Variants in ZPBP observed in about 807,000 individuals in gnomAD.
ZPBP encodes the protein zona pellucida-binding protein 1.
ZPBP carries 26 observed loss-of-function variants against 44.8 expected under a neutral mutation model. The observed-to-expected ratio is 0.58, with a 90% CI of 0.43 to 0.81. ZPBP has a LOEUF of 0.81. Among genes scored for constraint, ZPBP ranks in the 30% least tolerant of loss-of-function variants. ZPBP has a pLI of 0.00. For missense variants in ZPBP, 409 were observed against 434.0 expected (o/e 0.94, Z 0.51); for synonymous variants, 174 against 153.2 (o/e 1.14, Z -1.00).
intron 6 of ZPBP, among the ~76,000 whole-genome samples, chr7:50,007,089 G>A (rs1584029958): frequency 6.6e-6 from 1 of 151,860 alleles, no homozygotes; most frequent in East Asian, 1.9e-4. Context: ...AACCAACCAA[G>A]AGAAGGCACT....
At chr7:49,865,528 T>G (rs1790847536) in intron 2 of ZPBP, among the ~76,000 whole-genome samples, 8 of 152,228 alleles carry the variant, frequency 5.3e-5, no homozygotes. Flanking sequence ...ATGTGGTTCC[T>G]CACCTTCCCA....
chr7:49,899,083 T>C (rs1433774903), intron 2 of ZPBP, among the ~76,000 whole-genome samples: 2 of 152,062 alleles, frequency 1.3e-5, no homozygotes, highest in Non-Finnish European at 2.9e-5. Context: ...CACACCACTA[T>C]TTGTTGTCTG....
intron 3 of ZPBP, among the ~76,000 whole-genome samples, chr7:50,063,901 T>G (rs1801374990): frequency 6.6e-6 from 1 of 152,244 alleles, no homozygotes; most frequent in Non-Finnish European, 1.5e-5. Context: ...AACCTTATGA[T>G]GCAGTTGAAC....
chr7:50,028,249 G>C (rs1799425139), intron 5 of ZPBP, among the ~76,000 whole-genome samples: 2 of 150,790 alleles, frequency 1.3e-5, no homozygotes, highest in Non-Finnish European at 1.5e-5. Flanking sequence ...AATCAAAATA[G>C]AGTACAATGC....
At chr7:50,040,412 C>T (rs2128817261) in intron 4 of ZPBP, among the ~76,000 whole-genome samples, 1 of 152,304 alleles carries the variant, frequency 6.6e-6, no homozygotes, top group South Asian at 2.1e-4. Context: ...CTGCAGTTCC[C>T]AGCGAGATCA....
intron 3 of ZPBP, among the ~76,000 whole-genome samples, chr7:50,070,903 G>T (rs1318530167): frequency 6.6e-6 from 1 of 152,112 alleles, no homozygotes; most frequent in Non-Finnish European, 1.5e-5. Context: ...GAAAAACAGG[G>T]TCTTCACAAT....
intron 6 of ZPBP, among the ~76,000 whole-genome samples, chr7:49,997,533 C>T (rs899213251): frequency 6.6e-6 from 1 of 152,218 alleles, no homozygotes; most frequent in Non-Finnish European, 1.5e-5. Flanking sequence ...TCTTCTAGGA[C>T]TTGAATCCAA....
At chr7:50,084,246 C>G (rs986170570) in intron 2 of ZPBP, among the ~76,000 whole-genome samples, 1 of 151,264 alleles carries the variant, frequency 6.6e-6, no homozygotes, top group Non-Finnish European at 1.5e-5. Flanking sequence ...CTGGTGCAGC[C>G]TTTTTGAAGA....
chr7:49,865,767 A>C (rs1790859088), intron 2 of ZPBP, among the ~76,000 whole-genome samples: 1 of 152,150 alleles, frequency 6.6e-6, no homozygotes. Flanking sequence ...CAGCCTCCTG[A>C]TCCACCCACC....
chr7:50,031,047 T>C, intron 5 of ZPBP, 45 bp downstream of exon 5: 1 of 1,541,554 alleles, frequency 6.5e-7, no homozygotes, highest in Non-Finnish European at 9.0e-7. Flanking sequence ...TAACTATTAG[T>C]TATGTGTTCT....
Position 49,980,049 on chromosome 7 carries a change from AT to A in ZPBP, c.961+3292del, listed in dbSNP as rs1796737548. Among the ~76,000 whole-genome samples, 6 of 86,166 alleles carry A rather than the reference AT, an allele frequency of 7.0e-5. No homozygotes were observed. In the South Asian group the frequency reaches 2.1e-3, roughly 30 times the overall value. 56.5% of individuals were successfully genotyped at this position (86,166 alleles called of 152,430 possible). ...TTTATATTATATTATAATATATATA[AT>A]ATAATTTTATATTATATTATAATAT... is the stretch of plus-strand genomic sequence containing the variant. On this transcript the variant is annotated intron_variant, in intron 7 of 7. Transcript: ENST00000046087.
At chr7:49,865,679 T>C (rs918184820) in intron 2 of ZPBP, among the ~76,000 whole-genome samples, 1 of 152,222 alleles carries the variant, frequency 6.6e-6, no homozygotes, top group African/African-American at 2.4e-5. Context: ...GCAAGTCACA[T>C]GTCAAGTGAA....
intron 6 of ZPBP, among the ~76,000 whole-genome samples, chr7:49,999,081 G>GA (rs1385098104): frequency 1.3e-5 from 2 of 151,776 alleles, no homozygotes; most frequent in Non-Finnish European, 2.9e-5. Flanking sequence ...TCCCAAACCT[G>GA]AAAAAATCCA....
Position 50,079,972 on chromosome 7 carries a change from C to T in ZPBP, c.334+1802G>A, listed in dbSNP as rs185260739. ...TTCAAGAAACAGAGAAAAAGAGAGA[C>T]ACCAAATATAAGACTTGCTCCCTAT... is the stretch of plus-strand genomic sequence containing the variant. On this transcript the variant is annotated intron_variant, in intron 3 of 7. Transcript: ENST00000046087. 2.6e-5 allele frequency among the ~76,000 whole-genome samples: 4 copies of T among 151,742 alleles called. No homozygotes were observed. In the East Asian group the frequency reaches 5.8e-4, roughly 22 times the overall value.
chr7:50,035,245 C>A (rs1254412507), intron 4 of ZPBP, among the ~76,000 whole-genome samples: 2 of 152,200 alleles, frequency 1.3e-5, no homozygotes, highest in Admixed American at 1.3e-4. Context: ...TGAGGCCTCT[C>A]CAGCATGATA....
At chr7:49,927,799 C>T (rs1170420775) in intron 1 of ZPBP, among the ~76,000 whole-genome samples, 2 of 152,180 alleles carry the variant, frequency 1.3e-5, no homozygotes, top group African/African-American at 4.8e-5. Flanking sequence ...CCCACTGCCA[C>T]ATGTCATTAA....
At chr7:50,034,920 C>T (rs1366678476) in intron 4 of ZPBP, among the ~76,000 whole-genome samples, 1 of 152,086 alleles carries the variant, frequency 6.6e-6, no homozygotes, top group Non-Finnish European at 1.5e-5. Flanking sequence ...ATATTTCTTC[C>T]CCAAATATTG....
At chr7:49,913,620 G>A (rs1216133611) in intron 1 of ZPBP, 1 of 152,110 alleles carries the variant, frequency 6.6e-6, no homozygotes, top group Non-Finnish European at 1.5e-5. Flanking sequence ...AAGGGAATAA[G>A]GCTTGATTTC....
At chr7:49,984,383 A>G (rs775425618) in intron 6 of ZPBP, among the ~76,000 whole-genome samples, 5 of 152,244 alleles carry the variant, frequency 3.3e-5, no homozygotes, top group Non-Finnish European at 7.3e-5. Context: ...AAGTAACTTA[A>G]AATATTGCAT....
Sources: allele counts gnomAD v4.1 joint callset (sites outside exome capture counted in the v4.1 genomes callset), GRCh38; gene constraint gnomAD v4.1.1; transcripts MANE v1.5; gene names NCBI Gene and HGNC (gene_info 2026-07-23, HGNC 2026-07-21).